SNTG1: variants seen among roughly 807,000 people sequenced by gnomAD.
SNTG1 encodes the protein syntrophin gamma 1.
SNTG1 carries 39 observed loss-of-function variants against 74.7 expected under a neutral mutation model. The ratio of observed to expected loss-of-function variants is 0.52; its 90% CI spans 0.40 to 0.68. The LOEUF is 0.68. Among genes scored for constraint, SNTG1 ranks in the 30% least tolerant of loss-of-function variants. The pLI is 0.00. For missense variants in SNTG1, 685 were observed against 609.5 expected (o/e 1.12, Z -1.30); for synonymous variants, 254 against 217.1 (o/e 1.17, Z -1.49).
At chr8:50,439,716 CTTTTTTTT>C (rs60899125) in intron 5 of SNTG1, among the ~76,000 whole-genome samples, 1 of 102,102 alleles carries the variant, frequency 9.8e-6, no homozygotes, top group Non-Finnish European at 2.1e-5. Flanking sequence ...TTTTGTTTTG[CTTTTTTTT>C]TTTTTTTTTT....
intron 2 of SNTG1, among the ~76,000 whole-genome samples, chr8:50,374,495 G>A (rs1001877818): frequency 1.3e-5 from 2 of 152,108 alleles, no homozygotes; most frequent in African/African-American, 4.8e-5. Context: ...ACTGTTGTAA[G>A]GCGCACAAAA....
intron 3 of SNTG1, among the ~76,000 whole-genome samples, chr8:50,400,355 T>A (rs146632973): frequency 1.1e-3 from 164 of 152,352 alleles, no homozygotes; most frequent in African/African-American, 3.5e-3. Flanking sequence ...TCCTTTTTTA[T>A]GGCTGAATAG....
In SNTG1 at chr8:50,017,104, A is replaced by G. The variant is rs537719488; in HGVS notation, c.-103+104873A>G. Among the ~76,000 whole-genome samples the G allele has an allele frequency of 6.6e-5, 10 of 152,274 alleles. No individual in the cohort carries two copies. In the East Asian group the frequency reaches 1.7e-3, roughly 26 times the overall value. The stretch of plus-strand genomic sequence containing the variant: ...ATCTTTCAAACTGAAATGCAAGGAC[A>G]GTATATGGTTTCTCAAATACAAACT... On this transcript the variant is annotated intron_variant, in intron 1 of 18. Transcript: ENST00000642720.
chr8:50,728,891 G>T (rs1351083932), intron 17 of SNTG1, among the ~76,000 whole-genome samples: 1 of 151,952 alleles, frequency 6.6e-6, no homozygotes, highest in Non-Finnish European at 1.5e-5. Context: ...ACTTGTATTT[G>T]CAGAAAATGG....
rs986148069 is a variant in SNTG1, at chr8:49,911,869, C to T, written c.-465C>T. Reference sequence around the variant, plus strand: ...CTATTACCCCCTCGCCTCCCGGCCCCCTTCCTTAATGGATGAAAAGTACCC... The same window carrying T: ...CTATTACCCCCTCGCCTCCCGGCCCTCTTCCTTAATGGATGAAAAGTACCC... On this transcript the variant is annotated 5_prime_UTR_variant, in exon 1 of 19. Transcript: ENST00000642720. 1 of 152,322 alleles carries T rather than the reference C, an allele frequency of 6.6e-6. No individual in the cohort carries two copies. The highest frequency in any genetic ancestry group is 2.4e-5 in the African/African-American group (1 of 41,456). 9.4% of individuals were successfully genotyped at this position (152,322 alleles called of 1,614,324 possible).
At chr8:49,927,811 C>A (rs115786149) in intron 1 of SNTG1, among the ~76,000 whole-genome samples, 1,945 of 152,026 alleles carry the variant, frequency 0.013, 44 homozygotes, top group African/African-American at 0.043. Context: ...CTAGAGAGAA[C>A]CATAATGTAA....
intron 12 of SNTG1, 112 bp downstream of exon 12, chr8:50,553,291 T>C: frequency 7.4e-7 from 1 of 1,356,286 alleles, no homozygotes. Context: ...GAATGAGACA[T>C]TCATGAAAGC....
chr8:50,629,053 A>G (rs2094977300), intron 13 of SNTG1, among the ~76,000 whole-genome samples: 1 of 152,156 alleles, frequency 6.6e-6, no homozygotes, highest in South Asian at 2.1e-4. Context: ...GTAGAATAGT[A>G]GTTGCCAGAG....
intron 1 of SNTG1, among the ~76,000 whole-genome samples, chr8:49,996,160 T>C (rs1814194620): frequency 6.6e-6 from 1 of 152,142 alleles, no homozygotes; most frequent in Non-Finnish European, 1.5e-5. Context: ...CCTTCCATTT[T>C]CTCAGATTTA....
At chr8:50,208,460 A>G (rs893121651) in intron 2 of SNTG1, among the ~76,000 whole-genome samples, 3 of 151,990 alleles carry the variant, frequency 2.0e-5, no homozygotes, top group Admixed American at 1.3e-4. Flanking sequence ...GTGTCTCTCC[A>G]CGTGAGATGG....
intron 1 of SNTG1, among the ~76,000 whole-genome samples, chr8:50,157,760 C>A (rs1586524663): frequency 6.6e-6 from 1 of 152,194 alleles, no homozygotes; most frequent in South Asian, 2.1e-4. Flanking sequence ...CTTGAGATTG[C>A]TACTGGTGCT....
intron 1 of SNTG1, among the ~76,000 whole-genome samples, chr8:49,989,045 A>G (rs1187577371): frequency 6.6e-6 from 1 of 151,978 alleles, no homozygotes; most frequent in Non-Finnish European, 1.5e-5. Context: ...GAGCATGCCT[A>G]TGTGAAAACA....
At chr8:50,278,178 A>G (rs1482099406) in intron 2 of SNTG1, among the ~76,000 whole-genome samples, 1 of 152,170 alleles carries the variant, frequency 6.6e-6, no homozygotes, top group Admixed American at 6.5e-5. Context: ...TCTCAAAAAG[A>G]AAAAGAAAAA....
At chr8:50,139,400 G>T (rs1309558766) in intron 1 of SNTG1, among the ~76,000 whole-genome samples, 1 of 152,160 alleles carries the variant, frequency 6.6e-6, no homozygotes, top group Non-Finnish European at 1.5e-5. Context: ...AAATATGGAT[G>T]TAGTCTAAGA....
At chr8:50,059,165 T>C (rs946820762) in intron 1 of SNTG1, among the ~76,000 whole-genome samples, 8 of 152,174 alleles carry the variant, frequency 5.3e-5, no homozygotes, top group Non-Finnish European at 8.8e-5. Flanking sequence ...ACATTTGGGT[T>C]GTTTCTACTT....
rs1822708614 is a variant in SNTG1 at position 50,084,618 on chromosome 8, A to G, written c.-102-87943A>G. On this transcript the variant is annotated intron_variant, in intron 1 of 18. Coordinates refer to ENST00000642720, the MANE Select transcript of SNTG1 (RefSeq NM_018967.5). ...CTATTGTGCTATAACATCTAAAATC[A>G]CAAACTGTAAACATCTCTCTCATTG... Among the ~76,000 whole-genome samples the G allele has an allele frequency of 2.0e-5, 3 of 152,210 alleles. No homozygotes were observed. In the South Asian group the frequency reaches 6.2e-4, roughly 31 times the overall value.
chr8:49,967,423 T>C (rs539165554), intron 1 of SNTG1, among the ~76,000 whole-genome samples: 3 of 152,348 alleles, frequency 2.0e-5, no homozygotes, highest in Admixed American at 1.3e-4. Flanking sequence ...TGAACTTTTC[T>C]GTATTGTTTA....
chr8:50,790,943 A>G (rs1375182797), intron 18 of SNTG1, among the ~76,000 whole-genome samples: 1 of 151,958 alleles, frequency 6.6e-6, no homozygotes, highest in Non-Finnish European at 1.5e-5. Flanking sequence ...TATTTGCCAT[A>G]CTATTTTCAC....
intron 17 of SNTG1, among the ~76,000 whole-genome samples, chr8:50,750,001 T>A (rs2131694145): frequency 6.6e-6 from 1 of 152,170 alleles, no homozygotes; most frequent in Non-Finnish European, 1.5e-5. Flanking sequence ...ATAAAGTGAT[T>A]CCTCTGATGG....
Sources: allele counts gnomAD v4.1 joint callset (sites outside exome capture counted in the v4.1 genomes callset), GRCh38; gene constraint gnomAD v4.1.1; transcripts MANE v1.5; gene names NCBI Gene and HGNC (gene_info 2026-07-23, HGNC 2026-07-21).